The following TRHDE variants were observed in gnomAD, a reference collection of about 807,000 sequenced individuals.
TRHDE encodes thyrotropin releasing hormone degrading enzyme, also known as thyrotropin-releasing hormone-degrading ectoenzyme.
In TRHDE, 72 loss-of-function variants were observed where a neutral mutation model predicts 125.7. The observed-to-expected ratio is 0.57, with a 90% CI of 0.47 to 0.70. TRHDE has a LOEUF of 0.70. Among genes scored for constraint, TRHDE ranks in the 30% least tolerant of loss-of-function variants. The probability of loss-of-function intolerance (pLI) is 0.00; values close to 1 mark genes in which losing one functional copy is unlikely to be tolerated. For missense variants in TRHDE, 1,110 were observed against 1,327.1 expected (o/e 0.84, Z 2.54); for synonymous variants, 509 against 509.1 (o/e 1.00, Z 0.00).
At chr12:72,558,860 TTAATAGGACTCAGTTATCTATGTGGC>T (rs546712289) in intron 7 of TRHDE, among the ~76,000 whole-genome samples, 89 of 152,264 alleles carry the variant, frequency 5.8e-4, no homozygotes, top group African/African-American at 2.0e-3. Context: ...AGTTCAGTTT[TTAATAGGACTCAGTTATCTATGTGGC>T]TAATAGGACT....
At chr12:72,618,741 CT>C (rs1404646728) in intron 12 of TRHDE, 149 bp from the exon 13 acceptor site, 1 of 547,142 alleles carries the variant, frequency 1.8e-6, no homozygotes, top group Non-Finnish European at 3.0e-6. Flanking sequence ...CTAAGTATGA[CT>C]ATATTTTAAA....
intron 13 of TRHDE, among the ~76,000 whole-genome samples, chr12:72,620,544 G>C (rs1426191112): frequency 2.0e-5 from 3 of 151,612 alleles, no homozygotes; most frequent in Non-Finnish European, 4.4e-5. Flanking sequence ...AAAATAGTGA[G>C]GGAGAGCATG....
At chr12:72,148,055 A>T (rs77898952) in intron 2 of TRHDE, among the ~76,000 whole-genome samples, 4,593 of 152,346 alleles carry the variant, frequency 0.03, 122 homozygotes, top group African/African-American at 0.068. Flanking sequence ...CCTTATTTAA[A>T]CTTTAAAGAA....
intron 7 of TRHDE, among the ~76,000 whole-genome samples, chr12:72,555,582 ACTTAAT>A (rs1869882619): frequency 6.6e-6 from 1 of 152,132 alleles, no homozygotes; most frequent in Non-Finnish European, 1.5e-5. Context: ...ACTCATTTTT[ACTTAAT>A]CTTAAAATTT....
At position 72,324,123 on chromosome 12, in the gene TRHDE, A is replaced by G. The variant is rs74103434; in HGVS notation, c.1188+37169A>G. On this transcript the variant is annotated intron_variant, in intron 2 of 18. Coordinates refer to ENST00000261180, the MANE Select transcript of TRHDE (RefSeq NM_013381.3). ...ATTCACTTTCTTCCTTGGAACCAAA[A>G]AGTCTAACAAAAGTGAGTAGTGAGG... Among the ~76,000 whole-genome samples the G allele has an allele frequency of 7.6e-3, 1,152 of 152,226 alleles. 22 individuals are homozygous for G. Among genetic ancestry groups the G allele is most frequent in the African/African-American group, 0.026 (1,094 of 41,552 alleles).
chr12:72,356,188 C>T (rs568394633), intron 2 of TRHDE, among the ~76,000 whole-genome samples: 2 of 151,892 alleles, frequency 1.3e-5, no homozygotes, highest in South Asian at 2.1e-4. Context: ...TACATACACA[C>T]TATGGTATAT....
chr12:72,529,017 C>T (rs113234007), intron 6 of TRHDE, among the ~76,000 whole-genome samples: 3 of 151,990 alleles, frequency 2.0e-5, no homozygotes, highest in African/African-American at 4.8e-5. Flanking sequence ...AAAGTTACCT[C>T]GAGTGTCTCA....
intron 2 of TRHDE, among the ~76,000 whole-genome samples, chr12:72,134,632 C>T (rs901327238): frequency 1.3e-5 from 2 of 151,908 alleles, no homozygotes; most frequent in Non-Finnish European, 2.9e-5. Flanking sequence ...TCCACACAAC[C>T]TGAATTTACT....
At chr12:72,218,680 C>T (rs11179111) in intron 2 of TRHDE, among the ~76,000 whole-genome samples, 50,126 of 151,772 alleles carry the variant, frequency 0.33, 8,708 homozygotes, top group Middle Eastern at 0.38. Context: ...CCTTGATGTT[C>T]CCTGGTTTTT....
intron 3 of TRHDE, among the ~76,000 whole-genome samples, chr12:72,455,337 A>C (rs966112800): frequency 6.6e-6 from 1 of 152,184 alleles, no homozygotes; most frequent in African/African-American, 2.4e-5. Flanking sequence ...CCAACTGGTT[A>C]TTTGGTACAA....
chr12:72,118,102 T>C (rs1875491753), intron 2 of TRHDE, among the ~76,000 whole-genome samples: 1 of 152,170 alleles, frequency 6.6e-6, no homozygotes, highest in South Asian at 2.1e-4. Context: ...TCTAGTACTA[T>C]GTTTAGTAAC....
At chr12:72,312,745 TA>T (rs1291588957) in intron 2 of TRHDE, among the ~76,000 whole-genome samples, 1 of 152,080 alleles carries the variant, frequency 6.6e-6, no homozygotes, top group Non-Finnish European at 1.5e-5. Flanking sequence ...TTATGCCACT[TA>T]AAAAAATGAG....
At chr12:72,170,789 C>A (rs116662601) in intron 2 of TRHDE, among the ~76,000 whole-genome samples, 4,422 of 152,232 alleles carry the variant, frequency 0.029, 110 homozygotes, top group African/African-American at 0.064. Flanking sequence ...AAAGGTAAAG[C>A]ATTATATATG....
intron 2 of TRHDE, among the ~76,000 whole-genome samples, chr12:72,136,861 G>A (rs1380240576): frequency 6.6e-6 from 1 of 152,256 alleles, no homozygotes; most frequent in East Asian, 1.9e-4. Flanking sequence ...TCTCAGGCAT[G>A]GTTGCTAGCT....
intron 12 of TRHDE, among the ~76,000 whole-genome samples, chr12:72,585,788 AG>A (rs1303913780): frequency 6.6e-6 from 1 of 152,214 alleles, no homozygotes; most frequent in East Asian, 1.9e-4. Context: ...TCAATGTAAA[AG>A]CCTCATTTTT....
intron 3 of TRHDE, among the ~76,000 whole-genome samples, chr12:72,437,926 C>T (rs1289445567): frequency 1.3e-5 from 2 of 151,738 alleles, no homozygotes; most frequent in Non-Finnish European, 3.0e-5. Flanking sequence ...TTATTTCCAA[C>T]CCACCCCAAT....
intron 2 of TRHDE, among the ~76,000 whole-genome samples, chr12:72,120,059 CTT>C (rs778190880): frequency 6.9e-6 from 1 of 145,064 alleles, no homozygotes; most frequent in Admixed American, 6.9e-5. Flanking sequence ...TTTCTCTTCT[CTT>C]TTTTTTTTTT....
At chr12:72,332,509 T>A (rs1436811559) in intron 2 of TRHDE, among the ~76,000 whole-genome samples, 1 of 151,992 alleles carries the variant, frequency 6.6e-6, no homozygotes, top group Non-Finnish European at 1.5e-5. Flanking sequence ...GCTAAACCAT[T>A]CGTGAGAGAT....
In TRHDE at chr12:72,208,830, G is replaced by A. The variant is rs113224148; in HGVS notation, n.279+103078G>A. 2.3e-3 allele frequency among the ~76,000 whole-genome samples: 352 copies of A among 152,174 alleles called. 2 individuals carry two copies. Among genetic ancestry groups the A allele is most frequent in the African/African-American group, 7.8e-3 (325 of 41,514 alleles). On this transcript the variant is annotated intron_variant and non_coding_transcript_variant, in intron 2 of 4. Coordinates refer to the TRHDE transcript ENST00000548156. The stretch of plus-strand genomic sequence containing the variant: ...TGAATTAATTCTTGTGTATATGCCC[G>A]TCTTGAAGCCACGATCAACATTTCT...
Sources: gnomAD v4.1 joint callset for allele counts (sites outside exome capture counted in the v4.1 genomes callset) on GRCh38, gnomAD v4.1.1 for gene constraint, MANE v1.5 for transcripts, NCBI Gene and HGNC (gene_info 2026-07-23, HGNC 2026-07-21) for gene names.